The following GALNT11 variants were observed in gnomAD, a reference collection of about 807,000 sequenced individuals.
GALNT11 encodes polypeptide N-acetylgalactosaminyltransferase 11.
In GALNT11, 47 loss-of-function variants were observed where a neutral mutation model predicts 72.7. The ratio of observed to expected loss-of-function variants is 0.65; its 90% confidence interval spans 0.51 to 0.82. The LOEUF (loss-of-function observed/expected upper bound fraction) is 0.82, where lower values mean the gene tolerates loss of function less well. Among genes scored for constraint, GALNT11 ranks in the 40% least tolerant of loss-of-function variants. The pLI is 0.00. For synonymous variants in GALNT11, 270 were observed against 286.6 expected (o/e 0.94, Z 0.58); for missense variants, 677 against 778.4 (o/e 0.87, Z 1.55).
intron 1 of GALNT11, among the ~76,000 whole-genome samples, chr7:152,092,736 A>G (rs1366404248): frequency 6.6e-6 from 1 of 152,174 alleles, no homozygotes; most frequent in African/African-American, 2.4e-5. Context: ...GGACAATACC[A>G]TTTTTAAGAT....
At chr7:152,112,074 GC>G (rs2088281977) in intron 7 of GALNT11, among the ~76,000 whole-genome samples, 1 of 136,740 alleles carries the variant, frequency 7.3e-6, no homozygotes, top group Non-Finnish European at 1.7e-5. Flanking sequence ...TTTGGGAAAG[GC>G]AGAAAGAGGG....
At chr7:152,097,516 T>C (rs2086467664) in intron 2 of GALNT11, among the ~76,000 whole-genome samples, 1 of 152,206 alleles carries the variant, frequency 6.6e-6, no homozygotes, top group African/African-American at 2.4e-5. Flanking sequence ...CTTGGAAGAA[T>C]TGTCAACAGG....
At chr7:152,039,547 C>T (rs764461431) in intron 1 of GALNT11, among the ~76,000 whole-genome samples, 9 of 152,084 alleles carry the variant, frequency 5.9e-5, no homozygotes, top group Admixed American at 2.0e-4. Flanking sequence ...GGTTTTCTTC[C>T]GCCATCTGTG....
intron 9 of GALNT11, chr7:152,117,679 G>T (rs17173341): frequency 0.026 from 8,740 of 339,512 alleles, 229 homozygotes; most frequent in African/African-American, 0.08. Flanking sequence ...TCAACTTCGT[G>T]TGTCAGAGGC....
intron 1 of GALNT11, among the ~76,000 whole-genome samples, chr7:152,075,332 T>C (rs2084892998): frequency 6.6e-6 from 1 of 152,228 alleles, no homozygotes; most frequent in South Asian, 2.1e-4. Context: ...CACCACCTTG[T>C]TTTTAACTTG....
rs1297690907 is a variant in GALNT11, at chr7:152,121,614, G to C, written c.1764G>C (p.Lys588Asn). ...CLRAVDPLGQKGSVAMAICDG... is the reference protein window; with the variant it reads ...CLRAVDPLGQNGSVAMAICDG... ...GAGCAGTGGATCCCCTGGGTCAGAAGGGCTCTGTCGCCATGGCGATCTGCG... is the reference window on the plus strand; with the variant it reads ...GAGCAGTGGATCCCCTGGGTCAGAACGGCTCTGTCGCCATGGCGATCTGCG... Residue 588 changes from lysine to asparagine, a missense_variant, in exon 12 of 12, where the codon AAG becomes AAC. By Grantham distance (94) the Lys-to-Asn change is moderately conservative. Coordinates refer to ENST00000430044, the MANE Select transcript of GALNT11 (RefSeq NM_022087.4). The C allele has an allele frequency of 6.2e-7, 1 of 1,614,226 alleles. No individual in the cohort carries two copies. The highest frequency in any genetic ancestry group is 8.5e-7 in the Non-Finnish European group (1 of 1,180,042).
intron 1 of GALNT11, among the ~76,000 whole-genome samples, chr7:152,041,836 A>T (rs1044940960): frequency 6.6e-6 from 1 of 152,222 alleles, no homozygotes; most frequent in Non-Finnish European, 1.5e-5. Context: ...ATCCCTACGT[A>T]TGGCTACTTT....
At chr7:152,059,631 A>G (rs552945667) in intron 1 of GALNT11, among the ~76,000 whole-genome samples, 4 of 152,166 alleles carry the variant, frequency 2.6e-5, no homozygotes, top group Non-Finnish European at 5.9e-5. Context: ...GTATATATCC[A>G]TGAGAGTTTT....
intron 1 of GALNT11, among the ~76,000 whole-genome samples, chr7:152,047,687 C>CGTGTGTGTGTGTGTGTGTGT (rs141152865): frequency 9.5e-5 from 14 of 147,128 alleles, no homozygotes; most frequent in African/African-American, 3.5e-4. Flanking sequence ...ACAGTGACAC[C>CGTGTGTGTGTGTGTGTGTGT]GTGTGTGTGT....
At chr7:152,087,276 T>C (rs1382362565) in intron 1 of GALNT11, among the ~76,000 whole-genome samples, 4 of 152,244 alleles carry the variant, frequency 2.6e-5, no homozygotes, top group African/African-American at 9.6e-5. Context: ...AGGGTAATCT[T>C]GGTAGGGCCT....
At chr7:152,075,352 A>G (rs1438321296) in intron 1 of GALNT11, among the ~76,000 whole-genome samples, 3 of 152,138 alleles carry the variant, frequency 2.0e-5, no homozygotes, top group Non-Finnish European at 4.4e-5. Flanking sequence ...GTATTTTGTG[A>G]CTTGTTACCA....
chr7:152,103,286 A>G lies in GALNT11; in HGVS notation c.586+8A>G, dbSNP rs376109366. 5.0e-6 allele frequency: 8 copies of G among 1,610,536 alleles called. No individual in the cohort carries two copies. The highest frequency in any genetic ancestry group is 1.1e-5 in the South Asian group (1 of 90,950). On this transcript the variant is annotated splice_region_variant and intron_variant, in intron 4 of 11. Coordinates refer to ENST00000430044, the MANE Select transcript of GALNT11 (RefSeq NM_022087.4). ...ATGATGATAGTGACTTTGGTAAGGA[A>G]TGCTGCACCTGGTAACATTGGATCC...
chr7:152,065,107 G>C (rs1234434211), intron 1 of GALNT11, among the ~76,000 whole-genome samples: 4 of 152,000 alleles, frequency 2.6e-5, no homozygotes, highest in Admixed American at 1.3e-4. Flanking sequence ...ACGTAGATTT[G>C]GTCTTTTCAC....
chr7:152,057,655 G>A (rs925395347), intron 1 of GALNT11, among the ~76,000 whole-genome samples: 2 of 152,128 alleles, frequency 1.3e-5, no homozygotes, highest in African/African-American at 4.8e-5. Flanking sequence ...CCTGACCCCC[G>A]TTCTTTTTAA....
intron 7 of GALNT11, among the ~76,000 whole-genome samples, chr7:152,112,086 CGAG>C (rs75298931): frequency 0.29 from 44,798 of 151,860 alleles, 7,559 homozygotes; most frequent in East Asian, 0.49. Context: ...AGAAAGAGGG[CGAG>C]GGGAGAGCTG....
rs2087801583 is a variant in GALNT11, at chr7:152,108,265, G to A, written c.940G>A (p.Glu314Lys). Residue 314 changes from glutamate (E) to lysine (K), a missense_variant, in exon 6 of 12, where the codon GAG becomes AAG. Transcript: ENST00000430044. ...CCCCCTTTCTGAGCTAGGACGAGCG[G>A]AGGGAGCCACTGCACCAATAAAGTA... ...LVPLSELGRA[E>K]GATAPIKSPT... The A allele has an allele frequency of 6.2e-7, 1 of 1,612,422 alleles. No homozygotes were observed. The highest frequency in any genetic ancestry group is 8.5e-7 in the Non-Finnish European group (1 of 1,178,506).
chr7:152,121,551 C>T lies in GALNT11; in HGVS notation c.1701C>T (p.Asn567=), dbSNP rs529832360. 1 of 1,600,266 alleles carries T rather than the reference C, an allele frequency of 6.2e-7. No homozygotes were observed. Among genetic ancestry groups the T allele is most frequent in the Non-Finnish European group, 8.5e-7 (1 of 1,174,926 alleles). The change falls in exon 12 of 12, where the codon AAC becomes AAT. Residue 567 remains asparagine, a synonymous_variant. Transcript: ENST00000430044. Reference sequence around the variant, plus strand: ...TGTTGCTACCTTTTTTTCAGAAAAACAATCGGCTATACCAGGTGTCGGTTG... The same window carrying T: ...TGTTGCTACCTTTTTTTCAGAAAAATAATCGGCTATACCAGGTGTCGGTTG... ...GGSQQWTFGK[N]NRLYQVSVGQ... is the part of the protein sequence containing the mutation.
intron 2 of GALNT11, among the ~76,000 whole-genome samples, chr7:152,097,804 C>T (rs1221050714): frequency 6.6e-6 from 1 of 152,154 alleles, no homozygotes; most frequent in Non-Finnish European, 1.5e-5. Context: ...TAGGCAGGTC[C>T]ATGGAGACAG....
chr7:152,030,701 CCTTT>C (rs1376275552), intron 1 of GALNT11, among the ~76,000 whole-genome samples: 1 of 151,948 alleles, frequency 6.6e-6, no homozygotes, highest in South Asian at 2.1e-4. Flanking sequence ...TCTCTCTTTG[CCTTT>C]CTATGTCTCT....
Sources: allele counts gnomAD v4.1 joint callset (sites outside exome capture counted in the v4.1 genomes callset), GRCh38; gene constraint gnomAD v4.1.1; transcripts MANE v1.5; gene names NCBI Gene and HGNC (gene_info 2026-07-23, HGNC 2026-07-21).